TMPRSS9: variants seen among roughly 807,000 people sequenced by gnomAD.
TMPRSS9 encodes transmembrane protease serine 9.
In TMPRSS9, 113 loss-of-function variants were observed where a neutral mutation model predicts 111.4. The ratio of observed to expected loss-of-function variants is 1.01; its 90% confidence interval spans 0.87 to 1.19. TMPRSS9 has a LOEUF of 1.19. Ranked by LOEUF, TMPRSS9 falls within the 50% of genes most tolerant of loss-of-function variation. The probability of loss-of-function intolerance (pLI) is 0.00; values close to 1 mark genes in which losing one functional copy is unlikely to be tolerated. For synonymous variants in TMPRSS9, 805 were observed against 659.1 expected (o/e 1.22, Z -3.39); for missense variants, 1,803 against 1,513.1 (o/e 1.19, Z -3.18).
At chr19:2,417,255 C>T (rs1215379850) in intron 12 of TMPRSS9, among the ~76,000 whole-genome samples, 2 of 152,098 alleles carry the variant, frequency 1.3e-5, no homozygotes, top group African/African-American at 4.8e-5. Context: ...CATTTGAGGT[C>T]AGGAGTTTGA....
In TMPRSS9 at chr19:2,418,315, C is replaced by CTCCTTCCCTCCTTTTCCT. The variant is rs1555680699; in HGVS notation, c.2154+180_2154+181insTTCCCTCCTTTTCCTTCC. ...CCTTTCCTTCCCTCCCTTTCCCTCCCTCCCTCCCTCCCTCCCTTTCCTTCC... is the reference window on the plus strand; with the variant it reads ...CCTTTCCTTCCCTCCCTTTCCCTCCCTCCTTCCCTCCTTTTCCTTCCCTCCCTCCCTCCCTTTCCTTCC... On this transcript the variant is annotated intron_variant, in intron 13 of 17. Transcript: ENST00000648592. Among the ~76,000 whole-genome samples the CTCCTTCCCTCCTTTTCCT allele has an allele frequency of 1.4e-4, 5 of 36,650 alleles. No homozygotes were observed. The African/African-American group carries it at 1.6e-3, about 12-fold the overall frequency. 24.0% of individuals were successfully genotyped at this position (36,650 alleles called of 152,430 possible).
At chr19:2,403,099 T>G in exon 6 of TMPRSS9, 1 of 1,611,098 alleles carries the variant, frequency 6.2e-7, no homozygotes, top group Non-Finnish European at 8.5e-7. Context: ...TCCAGGGAAC[T>G]CCTTTTCCTG....
At chr19:2,425,174 C>T (rs889230311) in exon 16 of TMPRSS9, 2 of 1,555,490 alleles carry the variant, frequency 1.3e-6, no homozygotes, top group African/African-American at 1.4e-5. Context: ...TCGCAGCCGC[C>T]TGGTGCGTCC....
At position 2,422,214 on chromosome 19, in the gene TMPRSS9, G is replaced by A. The variant is rs755599882; in HGVS notation, c.2515G>A (p.Ala839Thr). The A allele has an allele frequency of 1.5e-5, 23 of 1,520,106 alleles. No homozygotes were observed. In the South Asian group the frequency reaches 1.9e-4, roughly 13 times the overall value. The allele number at this position is 1,520,106 out of a possible 1,614,324, so 94.2% of individuals were successfully genotyped here. Residue 839 changes from alanine (A) to threonine (T), a missense_variant, in exon 14 of 18, where the codon GCC (alanine) becomes ACC (threonine). By Grantham distance (58) the Ala-to-Thr change is moderately conservative. Transcript: ENST00000648592. ...TAGGGGACAGACGCCATTTCCAGAC[G>A]CCCCGGAGGCCACCACACACACCCA... is the stretch of plus-strand genomic sequence containing the variant.
exon 18 of TMPRSS9, chr19:2,426,109 C>T (rs370039572): frequency 3.1e-6 from 5 of 1,594,010 alleles, no homozygotes; most frequent in Admixed American, 1.8e-5. Context: ...ACTGCCCAGG[C>T]CGAGACTCTA....
At chr19:2,387,261 G>A (rs904454724), upstream of TMPRSS9, among the ~76,000 whole-genome samples, 2 of 151,828 alleles carry the variant, frequency 1.3e-5, no homozygotes, top group Admixed American at 6.6e-5. Context: ...TTGGGAGGCC[G>A]AGGTGGGTGG....
At chr19:2,380,982 A>G (rs536376500) in intron 1 of TMPRSS9, among the ~76,000 whole-genome samples, 3 of 152,046 alleles carry the variant, frequency 2.0e-5, no homozygotes, top group African/African-American at 4.8e-5. Flanking sequence ...CCCTCCCCTG[A>G]CGGCGTGTCT....
intron 17 of TMPRSS9, 187 bp downstream of exon 18, chr19:2,425,680 G>A (rs1045121980): frequency 8.8e-6 from 11 of 1,252,012 alleles, no homozygotes; most frequent in Middle Eastern, 2.8e-4. Flanking sequence ...GCAACCCACC[G>A]CATCCCATCC....
At chr19:2,365,720 T>C (rs1355804988) in intron 1 of TMPRSS9, among the ~76,000 whole-genome samples, 2 of 151,848 alleles carry the variant, frequency 1.3e-5, no homozygotes, top group Non-Finnish European at 2.9e-5. Flanking sequence ...GTCCCAGCTA[T>C]TTGGGAGGCT....
chr19:2,414,016 A>G (rs755232084), exon 10 of TMPRSS9: 36 of 1,573,778 alleles, frequency 2.3e-5, no homozygotes, highest in Non-Finnish European at 3.0e-5. Flanking sequence ...CCTAAGCTAC[A>G]AGGTATTTTC....
chr19:2,398,292 T>A (rs1381793202), intron 2 of TMPRSS9, among the ~76,000 whole-genome samples: 1 of 149,488 alleles, frequency 6.7e-6, no homozygotes, highest in Non-Finnish European at 1.5e-5. Context: ...CAAGACTCTG[T>A]CTCAAAATAA....
chr19:2,367,401 CT>C (rs926307556), intron 1 of TMPRSS9, among the ~76,000 whole-genome samples: 41 of 149,444 alleles, frequency 2.7e-4, no homozygotes, highest in African/African-American at 9.3e-4. Flanking sequence ...TGCTTATGTA[CT>C]TTTTTTTTTC....
chr19:2,399,657 C>T (rs1349405011), intron 4 of TMPRSS9, among the ~76,000 whole-genome samples: 1 of 152,040 alleles, frequency 6.6e-6, no homozygotes, highest in Non-Finnish European at 1.5e-5. Context: ...CCATCTTGTT[C>T]TGTAAAGAGC....
intron 1 of TMPRSS9, among the ~76,000 whole-genome samples, chr19:2,382,592 GCACA>G (rs1008959945): frequency 1.8e-5 from 2 of 110,874 alleles, no homozygotes; most frequent in Non-Finnish European, 3.4e-5. Flanking sequence ...AGATGCACAT[GCACA>G]CACACACAGA....
At chr19:2,365,385 A>C (rs1970240141) in intron 1 of TMPRSS9, among the ~76,000 whole-genome samples, 1 of 152,016 alleles carries the variant, frequency 6.6e-6, no homozygotes, top group Admixed American at 6.6e-5. Context: ...AGGCTTGCTG[A>C]GTGATTTATT....
At chr19:2,372,262 A>G (rs562601384) in intron 1 of TMPRSS9, among the ~76,000 whole-genome samples, 5 of 151,728 alleles carry the variant, frequency 3.3e-5, no homozygotes, top group East Asian at 3.9e-4. Context: ...GTCTCCTCCT[A>G]CTGATCTCTT....
Position 2,361,002 on chromosome 19 carries a change from T to C in TMPRSS9, c.-26+642T>C, listed in dbSNP as rs1970191534. Among the ~76,000 whole-genome samples, 3 of 149,446 alleles carry C rather than the reference T, an allele frequency of 2.0e-5. No homozygotes were observed. The South Asian group carries it at 6.5e-4, about 32-fold the overall frequency. ...GAGGGGCCTGGGACCGCCGAAGCCCTCCCCATCCCTGTTCCCACCCAGAGT... is the reference window on the plus strand; with the variant it reads ...GAGGGGCCTGGGACCGCCGAAGCCCCCCCCATCCCTGTTCCCACCCAGAGT... On this transcript the variant is annotated intron_variant, in intron 1 of 17. Coordinates refer to the TMPRSS9 transcript ENST00000649857.
chr19:2,403,764 C>A (rs1970906067), intron 6 of TMPRSS9, among the ~76,000 whole-genome samples: 1 of 151,780 alleles, frequency 6.6e-6, no homozygotes, highest in Non-Finnish European at 1.5e-5. Flanking sequence ...GAGGCTGAGG[C>A]AGGTAGATCA....
At chr19:2,379,615 C>CTTTCTTTCTTTCTT (rs1555676512) in intron 1 of TMPRSS9, among the ~76,000 whole-genome samples, 1 of 118,510 alleles carries the variant, frequency 8.4e-6, no homozygotes, top group East Asian at 2.6e-4. Flanking sequence ...AACTTTCTTT[C>CTTTCTTTCTTTCTT]TCTTTCTTTC....
Sources: gnomAD v4.1 joint callset for allele counts (sites outside exome capture counted in the v4.1 genomes callset) on GRCh38, gnomAD v4.1.1 for gene constraint, MANE v1.5 for transcripts, NCBI Gene and HGNC (gene_info 2026-07-23, HGNC 2026-07-21) for gene names.